The following PI4K2B variants were observed in gnomAD, a reference collection of about 807,000 sequenced individuals.
PI4K2B encodes the protein phosphatidylinositol 4-kinase type 2 beta.
PI4K2B carries 46 observed loss-of-function variants against 56.6 expected under a neutral mutation model. The observed-to-expected ratio is 0.81, with a 90% confidence interval of 0.64 to 1.04. The LOEUF is 1.04. Among genes scored for constraint, PI4K2B ranks in the 50% least tolerant of loss-of-function variants. The pLI is 0.00. For missense variants in PI4K2B, 556 were observed against 607.7 expected, an observed-to-expected ratio of 0.91 and a Z score of 0.89; for synonymous variants, 211 against 223.8, an observed-to-expected ratio of 0.94 and a Z score of 0.51.
At chr4:25,255,904 G>A (rs1230902843) in intron 3 of PI4K2B, among the ~76,000 whole-genome samples, 4 of 148,952 alleles carry the variant, frequency 2.7e-5, no homozygotes, top group East Asian at 4.0e-4. Context: ...ACCATCATGC[G>A]CCTGGCACCC....
chr4:25,270,522 A>G (rs1457882725), intron 9 of PI4K2B, among the ~76,000 whole-genome samples: 3 of 151,856 alleles, frequency 2.0e-5, no homozygotes, highest in Non-Finnish European at 2.9e-5. Flanking sequence ...ATTTTTTTGT[A>G]TCTTTAGTAG....
At chr4:25,246,472 C>T (rs1000133512) in intron 1 of PI4K2B, among the ~76,000 whole-genome samples, 2 of 152,226 alleles carry the variant, frequency 1.3e-5, no homozygotes, top group East Asian at 3.8e-4. Flanking sequence ...GAGCTAGATA[C>T]AGAGTGCTGA....
intron 4 of PI4K2B, among the ~76,000 whole-genome samples, chr4:25,257,226 TA>T (rs955777752): frequency 6.0e-5 from 9 of 150,746 alleles, no homozygotes; most frequent in South Asian, 2.1e-4. Flanking sequence ...CCTGACTAAT[TA>T]AAAAAAATTT....
chr4:25,268,328 CT>C, intron 7 of PI4K2B, 114 bp from the exon 8 acceptor site: 2 of 818,768 alleles, frequency 2.4e-6, no homozygotes, highest in Non-Finnish European at 2.0e-6. Flanking sequence ...TGATTAAGTT[CT>C]TATCCTGTCC....
At chr4:25,271,305 C>T (rs1388848042) in intron 9 of PI4K2B, among the ~76,000 whole-genome samples, 1 of 152,100 alleles carries the variant, frequency 6.6e-6, no homozygotes. Flanking sequence ...CAGAAGTTTT[C>T]GAAAAGGAGA....
intron 1 of PI4K2B, among the ~76,000 whole-genome samples, chr4:25,238,377 C>A (rs182038326): frequency 6.6e-6 from 1 of 152,166 alleles, no homozygotes; most frequent in Non-Finnish European, 1.5e-5. Flanking sequence ...AAAGGTAGTT[C>A]TTATAACTTC....
In PI4K2B at chr4:25,234,282, G is replaced by C. The variant is rs904616801; in HGVS notation, c.119G>C (p.Arg40Thr). Residue 40 changes from arginine (R) to threonine (T), a missense_variant, in exon 1 of 10, where the codon AGA becomes ACA. Coordinates refer to ENST00000264864, the MANE Select transcript of PI4K2B (RefSeq NM_018323.4). ...CGGATCGCCTGGGCCCACCCGCGGA[G>C]AGGCGCCCCAGGCAGCGCCGTGAGG... ...LPRIAWAHPR[R>T]GAPGSAVRLL... The C allele has an allele frequency of 4.2e-6, 6 of 1,421,420 alleles. No individual in the cohort carries two copies. Among genetic ancestry groups the C allele is most frequent in the Admixed American group, 2.6e-5 (1 of 39,108 alleles). 88.1% of individuals were successfully genotyped at this position (1,421,420 alleles called of 1,614,324 possible).
Position 25,277,371 on chromosome 4 carries a change from G to T in PI4K2B, c.*184G>T. On this transcript the variant is annotated 3_prime_UTR_variant, in exon 10 of 10. Coordinates refer to ENST00000264864, the MANE Select transcript of PI4K2B (RefSeq NM_018323.4). ...GTCCAAATATTAAATTTCTATTTCA[G>T]GGAAGAAGTGCTATATCTCCTATAT... 1 of 565,208 alleles carries T rather than the reference G, an allele frequency of 1.8e-6. No homozygotes were observed. Among genetic ancestry groups the T allele is most frequent in the Non-Finnish European group, 2.8e-6 (1 of 352,358 alleles). 35.0% of individuals were successfully genotyped at this position (565,208 alleles called of 1,614,324 possible).
chr4:25,265,101 A>C (rs1716615565), intron 7 of PI4K2B, among the ~76,000 whole-genome samples: 1 of 147,962 alleles, frequency 6.8e-6, no homozygotes, highest in Admixed American at 7.0e-5. Context: ...AGGCCGAGGC[A>C]GGAGAATCGC....
chr4:25,263,082 C>T (rs999260192), intron 6 of PI4K2B, among the ~76,000 whole-genome samples: 20 of 152,182 alleles, frequency 1.3e-4, no homozygotes, highest in African/African-American at 4.8e-4. Flanking sequence ...CATCAAATCT[C>T]ATGAGAACTC....
At chr4:25,253,867 G>A (rs948129671) in intron 2 of PI4K2B, among the ~76,000 whole-genome samples, 23 of 152,162 alleles carry the variant, frequency 1.5e-4, no homozygotes, top group Non-Finnish European at 4.4e-5. Flanking sequence ...CACCTCCCGG[G>A]TTCAAGCGAT....
chr4:25,255,579 A>G (rs1239826921), intron 3 of PI4K2B, among the ~76,000 whole-genome samples: 1 of 152,248 alleles, frequency 6.6e-6, no homozygotes, highest in Non-Finnish European at 1.5e-5. Context: ...CAATGTGCTT[A>G]AAGACTTGTA....
chr4:25,259,222 T>C (rs1188041777), intron 5 of PI4K2B, 32 bp downstream of exon 5: 2 of 1,395,716 alleles, frequency 1.4e-6, no homozygotes, highest in African/African-American at 2.9e-5. Context: ...TTCACGTAAA[T>C]CTTGTTCATT....
Position 25,246,104 on chromosome 4 carries a change from C to G in PI4K2B, c.269-6217C>G, listed in dbSNP as rs555114129. Among the ~76,000 whole-genome samples, 278 of 152,154 alleles carry G rather than the reference C, an allele frequency of 1.8e-3. 1 individual carries two copies. Among genetic ancestry groups the G allele is most frequent in the African/African-American group, 6.6e-3 (274 of 41,530 alleles). Reference sequence around the variant, plus strand: ...CTGGCTTCAGGAGTGAAGCTGCAGACCTTCGCGGTGAGTGTTACAGCTCAG... The same window carrying G: ...CTGGCTTCAGGAGTGAAGCTGCAGAGCTTCGCGGTGAGTGTTACAGCTCAG... On this transcript the variant is annotated intron_variant, in intron 1 of 9. Transcript: ENST00000264864.
intron 1 of PI4K2B, among the ~76,000 whole-genome samples, chr4:25,251,601 G>A (rs1716053238): frequency 6.6e-6 from 1 of 152,134 alleles, no homozygotes; most frequent in African/African-American, 2.4e-5. Flanking sequence ...TGGACTCGGA[G>A]TGCCAGAGGG....
chr4:25,271,576 A>G (rs1033283433), intron 9 of PI4K2B, among the ~76,000 whole-genome samples: 16 of 152,212 alleles, frequency 1.1e-4, no homozygotes, highest in Non-Finnish European at 8.8e-5. Flanking sequence ...TAGGTGATCA[A>G]TGATTATAAT....
Position 25,234,338 on chromosome 4 carries a change from GC to G in PI4K2B, c.177del (p.Gly60AlafsTer31). On this transcript the variant is annotated frameshift_variant, in exon 1 of 10. Transcript: ENST00000264864. LOFTEE classifies it high-confidence loss of function. ...LLDAAGEEGE[A>X]GDEELPLPPG... ...GGACGCTGCCGGGGAGGAGGGCGAG[GC>G]CGGCGACGAGGAGCTGCCCCTCCCG... 1 of 1,410,094 alleles carries G rather than the reference GC, an allele frequency of 7.1e-7. No homozygotes were observed. Among genetic ancestry groups the G allele is most frequent in the Non-Finnish European group, 9.3e-7 (1 of 1,079,280 alleles). The allele number at this position is 1,410,094 out of a possible 1,614,324, so 87.3% of individuals were successfully genotyped here.
At chr4:25,248,258 T>C (rs1214126174) in intron 1 of PI4K2B, among the ~76,000 whole-genome samples, 1 of 152,236 alleles carries the variant, frequency 6.6e-6, no homozygotes, top group African/African-American at 2.4e-5. Context: ...TTCTGCATTT[T>C]AAAGGACCAG....
In PI4K2B at chr4:25,234,063, C is replaced by T; in HGVS notation, c.-101C>T. 1 of 1,026,006 alleles carries T rather than the reference C, an allele frequency of 9.7e-7. No individual in the cohort carries two copies. Among genetic ancestry groups the T allele is most frequent in the Non-Finnish European group, 1.3e-6 (1 of 799,924 alleles). 63.6% of individuals were successfully genotyped at this position (1,026,006 alleles called of 1,614,324 possible). On this transcript the variant is annotated 5_prime_UTR_variant, in exon 1 of 10. Coordinates refer to ENST00000264864, the MANE Select transcript of PI4K2B (RefSeq NM_018323.4). ...TGCCCGTGCGCTGGTGAGGTGGCGT[C>T]CGTTCTACCCGGTCGCTCCCGTTCC...
Sources: gnomAD v4.1 joint callset for allele counts (sites outside exome capture counted in the v4.1 genomes callset) on GRCh38, gnomAD v4.1.1 for gene constraint, MANE v1.5 for transcripts, NCBI Gene and HGNC (gene_info 2026-07-23, HGNC 2026-07-21) for gene names.